PACRG: variants seen among roughly 807,000 people sequenced by gnomAD.
PACRG encodes parkin coregulated.
PACRG carries 29 observed loss-of-function variants against 29.7 expected under a neutral mutation model. The observed-to-expected ratio is 0.98, with a 90% CI of 0.73 to 1.33. The LOEUF (loss-of-function observed/expected upper bound fraction) is 1.33, where lower values mean the gene tolerates loss of function less well. PACRG is among the 40% of genes most tolerant of loss of function. The pLI is 0.00. For missense variants in PACRG, 279 were observed against 316.2 expected (o/e 0.88, Z 0.89); for synonymous variants, 116 against 118.7 (o/e 0.98, Z 0.15).
chr6:162,943,632 C>A (rs1262100729), intron 2 of PACRG, among the ~76,000 whole-genome samples: 1 of 152,102 alleles, frequency 6.6e-6, no homozygotes, highest in East Asian at 1.9e-4. Context: ...ACTTGGGGAG[C>A]CTGAGGACAG....
At chr6:162,788,948 G>A (rs1407470709) in intron 1 of PACRG, among the ~76,000 whole-genome samples, 2 of 151,964 alleles carry the variant, frequency 1.3e-5, no homozygotes, top group Admixed American at 6.6e-5. Flanking sequence ...TCCAGTCCGT[G>A]GCTTGTCTTC....
chr6:163,276,668 T>A (rs1784039550), intron 4 of PACRG, among the ~76,000 whole-genome samples: 1 of 152,140 alleles, frequency 6.6e-6, no homozygotes, highest in South Asian at 2.1e-4. Context: ...TGGGGGGTGA[T>A]TAGATCATGA....
intron 2 of PACRG, among the ~76,000 whole-genome samples, chr6:162,999,555 C>T (rs1804395023): frequency 6.6e-6 from 1 of 152,190 alleles, no homozygotes; most frequent in African/African-American, 2.4e-5. Flanking sequence ...ATTAAACACA[C>T]ACAAAAAATT....
chr6:162,884,372 C>T (rs1268798222), intron 2 of PACRG, among the ~76,000 whole-genome samples: 1 of 151,998 alleles, frequency 6.6e-6, no homozygotes, highest in African/African-American at 2.4e-5. Flanking sequence ...TGGACCAGGG[C>T]AGTTCAAATT....
chr6:162,958,963 G>A (rs539923759), intron 2 of PACRG, among the ~76,000 whole-genome samples: 3 of 143,066 alleles, frequency 2.1e-5, no homozygotes, highest in Non-Finnish European at 4.5e-5. Context: ...CATCACCCAG[G>A]CTGGAATGTA....
intron 1 of PACRG, among the ~76,000 whole-genome samples, chr6:162,741,418 C>G (rs59623074): frequency 6.6e-6 from 1 of 152,084 alleles, no homozygotes; most frequent in Non-Finnish European, 1.5e-5. Flanking sequence ...CATTTTGGCT[C>G]TTGGTGAGGG....
chr6:162,767,103 A>G (rs117074409), intron 1 of PACRG, among the ~76,000 whole-genome samples: 85 of 152,182 alleles, frequency 5.6e-4, no homozygotes, highest in South Asian at 2.5e-3. Flanking sequence ...AATACATGAT[A>G]CAGTTTTATA....
At chr6:163,200,985 G>A (rs1259369741) in intron 4 of PACRG, among the ~76,000 whole-genome samples, 11 of 152,182 alleles carry the variant, frequency 7.2e-5, no homozygotes, top group Admixed American at 7.2e-4. Context: ...GCAGAACATG[G>A]GTCCTGCCTC....
At chr6:163,019,391 A>AT (rs1318067223) in intron 2 of PACRG, among the ~76,000 whole-genome samples, 2 of 151,808 alleles carry the variant, frequency 1.3e-5, no homozygotes, top group African/African-American at 4.8e-5. Flanking sequence ...TTTTAGCTGG[A>AT]TTTTCTCTTT....
chr6:163,126,590 CAATT>C (rs1181937201), intron 4 of PACRG, among the ~76,000 whole-genome samples: 3 of 152,120 alleles, frequency 2.0e-5, no homozygotes, highest in African/African-American at 2.4e-5. Flanking sequence ...TACACATACT[CAATT>C]AAATTAAAAT....
At chr6:163,027,927 C>T (rs1278671348) in intron 2 of PACRG, among the ~76,000 whole-genome samples, 1 of 152,178 alleles carries the variant, frequency 6.6e-6, no homozygotes, top group Admixed American at 6.5e-5. Context: ...CCCACACTGT[C>T]CCCCACCAAC....
chr6:162,967,357 A>T (rs1442282803), intron 2 of PACRG, among the ~76,000 whole-genome samples: 2 of 152,190 alleles, frequency 1.3e-5, no homozygotes, highest in African/African-American at 4.8e-5. Context: ...TGTTATTAAA[A>T]GTTAAACTGT....
intron 4 of PACRG, among the ~76,000 whole-genome samples, chr6:163,240,523 C>A (rs1447038542): frequency 1.3e-5 from 2 of 151,766 alleles, no homozygotes; most frequent in Admixed American, 6.6e-5. Context: ...TTGCCTGACG[C>A]CCTGTGGGGT....
chr6:162,815,708 G>A (rs950028211), intron 2 of PACRG, among the ~76,000 whole-genome samples: 1 of 151,892 alleles, frequency 6.6e-6, no homozygotes, highest in African/African-American at 2.4e-5. Context: ...CTTAATATAA[G>A]CATATATTTC....
chr6:162,983,975 C>A (rs1042450498), intron 2 of PACRG, among the ~76,000 whole-genome samples: 1 of 151,932 alleles, frequency 6.6e-6, no homozygotes, highest in African/African-American at 2.4e-5. Context: ...AACATAATCC[C>A]AAATTTATTG....
intron 2 of PACRG, among the ~76,000 whole-genome samples, chr6:162,871,194 A>T (rs969603534): frequency 6.6e-6 from 1 of 152,236 alleles, no homozygotes; most frequent in Admixed American, 6.5e-5. Context: ...ATTTATCAAT[A>T]AAAGTATGCA....
Position 163,054,751 on chromosome 6 carries a change from C to T in PACRG, c.292-7399C>T, listed in dbSNP as rs547365137. On this transcript the variant is annotated intron_variant, in intron 2 of 4. Coordinates refer to ENST00000366888, the MANE Select transcript of PACRG (RefSeq NM_001080379.2). ...ATCCTCATCCCATTTTGGGGCTTCC[C>T]ACCAGCCATTCGCATCCCAGTTTCC... Among the ~76,000 whole-genome samples, 3 of 152,274 alleles carry T rather than the reference C, an allele frequency of 2.0e-5. No individual in the cohort carries two copies. In the South Asian group the frequency reaches 6.2e-4, roughly 32 times the overall value.
At chr6:162,960,384 A>G (rs1800509580) in intron 2 of PACRG, among the ~76,000 whole-genome samples, 1 of 152,262 alleles carries the variant, frequency 6.6e-6, no homozygotes, top group African/African-American at 2.4e-5. Context: ...GATTGGATAA[A>G]GAAAATGTGG....
chr6:162,947,378 A>ATATATATAATCATATATAATATATAATCC, intron 2 of PACRG, among the ~76,000 whole-genome samples: 1 of 110,060 alleles, frequency 9.1e-6, no homozygotes, highest in East Asian at 2.3e-4. Flanking sequence ...ATATATAATC[A>ATATATATAATCATATATAATATATAATCC]TATATATAAT....
Sources: allele counts gnomAD v4.1 joint callset (sites outside exome capture counted in the v4.1 genomes callset), GRCh38; gene constraint gnomAD v4.1.1; transcripts MANE v1.5; gene names NCBI Gene and HGNC (gene_info 2026-07-23, HGNC 2026-07-21).